The following TNS1 variants were observed in gnomAD, a reference collection of about 807,000 sequenced individuals.
TNS1 encodes tensin 1.
TNS1 carries 62 observed loss-of-function variants against 168.6 expected under a neutral mutation model. That is an observed-to-expected ratio of 0.37 (90% CI 0.30 to 0.45). The LOEUF is 0.45. Among genes scored for constraint, TNS1 ranks in the 20% least tolerant of loss-of-function variants. The pLI is 1.00. For synonymous variants in TNS1, 934 were observed against 933.2 expected (o/e 1.00, Z -0.02); for missense variants, 2,240 against 2,339.4 (o/e 0.96, Z 0.88).
chr2:217,932,582 C>T (rs1575107484), intron 3 of TNS1, among the ~76,000 whole-genome samples: 2 of 151,374 alleles, frequency 1.3e-5, no homozygotes, highest in African/African-American at 4.9e-5. Context: ...GCTTCTTATG[C>T]GTCTCAAAGC....
chr2:217,838,770 CTGGCG>C (rs1465146792), intron 19 of TNS1, among the ~76,000 whole-genome samples: 1 of 152,196 alleles, frequency 6.6e-6, no homozygotes, highest in East Asian at 1.9e-4. Flanking sequence ...GGAGGGGAGA[CTGGCG>C]TGGCAGAGGG....
intron 19 of TNS1, chr2:217,842,011 C>T (rs748560810): frequency 5.7e-6 from 4 of 698,504 alleles, no homozygotes; most frequent in South Asian, 3.0e-5. Context: ...GAGTGGCCAA[C>T]ATTGCCCCTG....
At chr2:217,979,087 G>A (rs1285877086) in intron 2 of TNS1, among the ~76,000 whole-genome samples, 2 of 151,928 alleles carry the variant, frequency 1.3e-5, no homozygotes, top group Non-Finnish European at 1.5e-5. Flanking sequence ...CAAAGGGGGG[G>A]GTCCCCCACT....
chr2:217,868,981 G>A (rs902281331), intron 18 of TNS1, among the ~76,000 whole-genome samples: 2 of 152,242 alleles, frequency 1.3e-5, no homozygotes, highest in African/African-American at 4.8e-5. Flanking sequence ...GAGGGACATA[G>A]AGAAGAAAGG....
intron 3 of TNS1, among the ~76,000 whole-genome samples, chr2:217,963,999 C>A (rs1233859677): frequency 6.6e-6 from 1 of 152,048 alleles, no homozygotes; most frequent in East Asian, 1.9e-4. Flanking sequence ...CCAGTCCAAC[C>A]TTCCTCCCCA....
At chr2:217,862,680 T>C (rs1574859643) in intron 18 of TNS1, among the ~76,000 whole-genome samples, 1 of 119,006 alleles carries the variant, frequency 8.4e-6, no homozygotes, top group Non-Finnish European at 1.6e-5. Flanking sequence ...AAGGGAAGAG[T>C]TTCCCACTGT....
intron 3 of TNS1, among the ~76,000 whole-genome samples, chr2:217,964,368 G>C (rs1004470727): frequency 6.6e-6 from 1 of 152,106 alleles, no homozygotes; most frequent in Admixed American, 6.5e-5. Flanking sequence ...GAGATAGTGA[G>C]TGTTGAAGAA....
chr2:217,936,418 A>G (rs949059726), intron 3 of TNS1, among the ~76,000 whole-genome samples: 2 of 152,110 alleles, frequency 1.3e-5, no homozygotes, highest in Admixed American at 1.3e-4. Flanking sequence ...AGGAGATTTC[A>G]GGGGCCTCCT....
intron 4 of TNS1, among the ~76,000 whole-genome samples, chr2:217,914,455 C>G (rs188671952): frequency 2.0e-5 from 3 of 152,342 alleles, no homozygotes; most frequent in Middle Eastern, 6.8e-3. Context: ...GTGCTTCCAT[C>G]AGCATGGTGC....
At position 217,881,026 on chromosome 2, in the gene TNS1, G is replaced by A. The variant is rs368621352; in HGVS notation, c.1313-12C>T. 1.3e-5 allele frequency: 20 copies of A among 1,595,086 alleles called. No individual in the cohort carries two copies. The highest frequency in any genetic ancestry group is 1.1e-4 in the South Asian group (10 of 90,736). On this transcript the variant is annotated splice_polypyrimidine_tract_variant and intron_variant, in intron 17 of 32. Transcript: ENST00000682258. ...CAGGTGCTCCATGCCTAAGTGGGATGGGAAAGGCAGCGGCAGTCGGGGAGA... is the reference window on the plus strand; with the variant it reads ...CAGGTGCTCCATGCCTAAGTGGGATAGGAAAGGCAGCGGCAGTCGGGGAGA...
In TNS1 at chr2:218,032,658, C is replaced by A. The variant is rs979820771; in HGVS notation, c.156+1162G>T. Among the ~76,000 whole-genome samples, 5 of 152,166 alleles carry A rather than the reference C, an allele frequency of 3.3e-5. No homozygotes were observed. Among genetic ancestry groups the A allele is most frequent in the Non-Finnish European group, 4.4e-5 (3 of 68,018 alleles). Reference sequence around the variant, plus strand: ...CTGCCCCAAGAACGAGGGTATCACCCCTCCTCTAGTGAGGCCCCAGGTGAT... The same window carrying A: ...CTGCCCCAAGAACGAGGGTATCACCACTCCTCTAGTGAGGCCCCAGGTGAT... On this transcript the variant is annotated intron_variant, in intron 1 of 1. Coordinates refer to the TNS1 transcript ENST00000649572. The surrounding 1 kb of genome is among the most constrained non-coding windows in gnomAD (Gnocchi z 4.0).
rs923543140 is a variant in TNS1 at position 218,033,642 on chromosome 2, G to A, written c.156+178C>T. Reference sequence around the variant, plus strand: ...AGGGGAGCCCTCTACCCAACTGGAGGCCCCTTCACCCGGTCGTGGTCCTTC... The same window carrying A: ...AGGGGAGCCCTCTACCCAACTGGAGACCCCTTCACCCGGTCGTGGTCCTTC... On this transcript the variant is annotated intron_variant, in intron 1 of 1. Coordinates refer to the TNS1 transcript ENST00000649572. This position sits in a 1 kb window ranked among gnomAD's most constrained non-coding sequence, Gnocchi z 4.3. Among the ~76,000 whole-genome samples the A allele has an allele frequency of 6.6e-6, 1 of 152,088 alleles. No individual in the cohort carries two copies. The highest frequency in any genetic ancestry group is 2.4e-5 in the African/African-American group (1 of 41,416).
chr2:218,033,524 C>T lies in TNS1; in HGVS notation c.156+296G>A, dbSNP rs191543175. ...GCCCCAGCACTCCAGGCCTGCCCCT[C>T]CTGGGTGACTCCTAAACCAACCTCA... On this transcript the variant is annotated intron_variant, in intron 1 of 1. Transcript: ENST00000649572. This position sits in a 1 kb window ranked among gnomAD's most constrained non-coding sequence, Gnocchi z 4.3. 2.0e-4 allele frequency among the ~76,000 whole-genome samples: 30 copies of T among 152,268 alleles called. No homozygotes were observed. Among genetic ancestry groups the T allele is most frequent in the Admixed American group, 5.2e-4 (8 of 15,302 alleles).
chr2:217,933,082 G>A (rs1210408434), intron 3 of TNS1, among the ~76,000 whole-genome samples: 1 of 152,214 alleles, frequency 6.6e-6, no homozygotes, highest in Non-Finnish European at 1.5e-5. Flanking sequence ...GGCAGCAGAG[G>A]CTTGACGCAC....
intron 20 of TNS1, among the ~76,000 whole-genome samples, chr2:217,835,457 A>T (rs1945037865): frequency 6.6e-6 from 1 of 152,216 alleles, no homozygotes; most frequent in Non-Finnish European, 1.5e-5. Flanking sequence ...CTTCCAGGGC[A>T]CACATTTAAA....
chr2:217,949,566 G>A (rs912080196), intron 3 of TNS1, among the ~76,000 whole-genome samples: 6 of 152,248 alleles, frequency 3.9e-5, no homozygotes, highest in African/African-American at 1.4e-4. Flanking sequence ...CTGGAGACAA[G>A]AGAGAAAGCT....
chr2:217,919,715 TGGAAAG>T (rs1428553791), intron 4 of TNS1, among the ~76,000 whole-genome samples: 1 of 151,474 alleles, frequency 6.6e-6, no homozygotes, highest in Non-Finnish European at 1.5e-5. Flanking sequence ...GTGGGGGAAA[TGGAAAG>T]GGAGCAGAAA....
chr2:217,886,215 C>T (rs749749856), intron 13 of TNS1, 111 bp from the exon 14 acceptor site: 22 of 1,178,080 alleles, frequency 1.9e-5, no homozygotes, highest in South Asian at 8.4e-5. Flanking sequence ...TGGGGGAAGA[C>T]GGGGTAGGAA....
At chr2:217,954,347 A>T (rs1241162936) in intron 3 of TNS1, among the ~76,000 whole-genome samples, 1 of 152,196 alleles carries the variant, frequency 6.6e-6, no homozygotes. Context: ...GAGACTGCCA[A>T]GGCGAGATGC....
Sources: gnomAD v4.1 joint callset for allele counts (sites outside exome capture counted in the v4.1 genomes callset) on GRCh38, gnomAD v4.1.1 for gene constraint, Gnocchi (gnomAD v3.1) non-coding constraint, MANE v1.5 for transcripts, NCBI Gene and HGNC (gene_info 2026-07-23, HGNC 2026-07-21) for gene names.